RHOD: variants seen among roughly 807,000 people sequenced by gnomAD.
The protein encoded by RHOD is ras homolog family member D, also known as rho-related GTP-binding protein RhoD.
A neutral mutation model predicts 16.7 loss-of-function variants in RHOD; 11 were observed. The ratio of observed to expected loss-of-function variants is 0.66; its 90% CI spans 0.41 to 1.09. The LOEUF (loss-of-function observed/expected upper bound fraction) is 1.09, where lower values mean the gene tolerates loss of function less well. Ranked by LOEUF, RHOD falls within the 50% of genes least tolerant of loss-of-function variation. RHOD has a pLI of 0.00. For missense variants in RHOD, 271 were observed against 291.7 expected, an observed-to-expected ratio of 0.93 and a Z score of 0.52; for synonymous variants, 124 against 126.3, an observed-to-expected ratio of 0.98 and a Z score of 0.12.
chr11:67,068,634 C>T (rs1466489603), intron 3 of RHOD, among the ~76,000 whole-genome samples: 1 of 152,100 alleles, frequency 6.6e-6, no homozygotes, highest in Non-Finnish European at 1.5e-5. Context: ...ATGGTGAAAC[C>T]CCGTTGCTAC....
intron 1 of RHOD, 104 bp from the exon 2 acceptor site, chr11:67,065,792 A>G (rs1267469405): frequency 5.5e-6 from 4 of 724,276 alleles, no homozygotes; most frequent in Non-Finnish European, 7.1e-6. Context: ...ACAAACAACT[A>G]CGCTCCACTG....
intron 1 of RHOD, among the ~76,000 whole-genome samples, chr11:67,065,232 C>T (rs1013225788): frequency 2.0e-5 from 3 of 152,144 alleles, no homozygotes; most frequent in East Asian, 1.9e-4. Flanking sequence ...TGTGCCACCA[C>T]GCCTGGCTAA....
intron 1 of RHOD, among the ~76,000 whole-genome samples, chr11:67,064,677 A>G (rs1263875696): frequency 6.6e-6 from 1 of 152,162 alleles, no homozygotes; most frequent in East Asian, 1.9e-4. Context: ...TAGGTGAATG[A>G]ACAAATGAAC....
At chr11:67,065,681 C>T (rs1408162847) in intron 1 of RHOD, among the ~76,000 whole-genome samples, 1 of 152,114 alleles carries the variant, frequency 6.6e-6, no homozygotes, top group Non-Finnish European at 1.5e-5. Flanking sequence ...TTTTAATATT[C>T]CCATTTCACA....
chr11:67,059,139 T>A (rs1409792096), intron 1 of RHOD, among the ~76,000 whole-genome samples: 5 of 151,984 alleles, frequency 3.3e-5, no homozygotes, highest in Non-Finnish European at 5.9e-5. Context: ...TGGCCAGAAA[T>A]GGGGGGAGGG....
chr11:67,064,432 G>T (rs1328557321), intron 1 of RHOD, among the ~76,000 whole-genome samples: 1 of 151,370 alleles, frequency 6.6e-6, no homozygotes, highest in Non-Finnish European at 1.5e-5. Context: ...AAAAAGAGAA[G>T]GAAAAAAAAC....
At chr11:67,061,805 T>G (rs868727725) in intron 1 of RHOD, among the ~76,000 whole-genome samples, 2 of 145,092 alleles carry the variant, frequency 1.4e-5, no homozygotes, top group Non-Finnish European at 1.5e-5. Flanking sequence ...TATATATATG[T>G]GTGTGTATAT....
chr11:67,069,851 C>T (rs534664720), intron 3 of RHOD, among the ~76,000 whole-genome samples: 1 of 152,040 alleles, frequency 6.6e-6, no homozygotes, highest in East Asian at 1.9e-4. Context: ...CGCCATCATG[C>T]CCACCTAAAT....
In RHOD at chr11:67,070,438, TG is replaced by T; in HGVS notation, c.345del (p.Asn116IlefsTer25). On this transcript the variant is annotated frameshift_variant, in exon 4 of 5. Transcript: ENST00000308831. LOFTEE classifies it high-confidence loss of function. ...GCCCCCCTGCAGTGGTACCCAGAAG[TG>T]AATCATTTCTGCAAGAAGGTACCCA... Reference protein sequence around the residue: ...DNIFNRWYPEVNHFCKKVPII... With the variant: ...DNIFNRWYPEXNHFCKKVPII... 1 of 1,611,248 alleles carries T rather than the reference TG, an allele frequency of 6.2e-7. No homozygotes were observed. Among genetic ancestry groups the T allele is most frequent in the Non-Finnish European group, 8.5e-7 (1 of 1,179,018 alleles).
chr11:67,063,698 C>G (rs143906703), intron 1 of RHOD, among the ~76,000 whole-genome samples: 1,624 of 148,214 alleles, frequency 0.011, 33 homozygotes, highest in African/African-American at 0.039. Flanking sequence ...ACTCACAAGG[C>G]TGAGGCAGAA....
intron 2 of RHOD, 29 bp downstream of exon 2, chr11:67,066,012 G>GGGGGGGGGGGGT: frequency 1.7e-6 from 1 of 581,434 alleles, no homozygotes; most frequent in Non-Finnish European, 3.4e-6. Context: ...GGCAGGGTGG[G>GGGGGGGGGGGGT]AGGGGCTTCT....
chr11:67,070,155 A>G, intron 3 of RHOD: 1 of 508,702 alleles, frequency 2.0e-6, no homozygotes, highest in East Asian at 4.6e-5. Context: ...AGCCAAGGCC[A>G]AGTTACATCG....
At chr11:67,059,556 A>AT (rs1382159948) in intron 1 of RHOD, among the ~76,000 whole-genome samples, 1 of 148,328 alleles carries the variant, frequency 6.7e-6, no homozygotes, top group African/African-American at 2.5e-5. Context: ...AAATATATAT[A>AT]AATATATATA....
chr11:67,059,475 G>A (rs1348843715), intron 1 of RHOD, among the ~76,000 whole-genome samples: 1 of 152,040 alleles, frequency 6.6e-6, no homozygotes, highest in Non-Finnish European at 1.5e-5. Context: ...CTCAGGAGGT[G>A]GAGGTTGCAG....
At chr11:67,057,859 C>T (rs926295014) in intron 1 of RHOD, among the ~76,000 whole-genome samples, 1 of 152,232 alleles carries the variant, frequency 6.6e-6, no homozygotes, top group African/African-American at 2.4e-5. Context: ...GTAGGCATGC[C>T]CACCGTTAAT....
At chr11:67,065,064 C>T (rs1854940667) in intron 1 of RHOD, among the ~76,000 whole-genome samples, 1 of 151,398 alleles carries the variant, frequency 6.6e-6, no homozygotes, top group African/African-American at 2.4e-5. Flanking sequence ...CTTGTAGCGG[C>T]ACTGCGGTAG....
chr11:67,062,539 C>T (rs1205379628), intron 1 of RHOD, among the ~76,000 whole-genome samples: 1 of 152,152 alleles, frequency 6.6e-6, no homozygotes, highest in African/African-American at 2.4e-5. Flanking sequence ...GGGGTGGGGC[C>T]AGCCCTTACC....
At chr11:67,068,245 G>T (rs1392125436) in intron 3 of RHOD, among the ~76,000 whole-genome samples, 4 of 152,220 alleles carry the variant, frequency 2.6e-5, no homozygotes, top group Non-Finnish European at 5.9e-5. Flanking sequence ...CTCCGAGCAG[G>T]CAGTCCAGCT....
intron 3 of RHOD, 174 bp from the exon 4 acceptor site, chr11:67,070,251 A>T (rs1466316155): frequency 2.7e-6 from 2 of 730,948 alleles, no homozygotes; most frequent in African/African-American, 3.5e-5. Flanking sequence ...ATGGGTCCAT[A>T]CGTGTAAATT....
Sources: gnomAD v4.1 joint callset for allele counts (sites outside exome capture counted in the v4.1 genomes callset) on GRCh38, gnomAD v4.1.1 for gene constraint, MANE v1.5 for transcripts, NCBI Gene and HGNC (gene_info 2026-07-23, HGNC 2026-07-21) for gene names.